The following MRPL48 variants were observed in gnomAD, a reference collection of about 807,000 sequenced individuals.
MRPL48 encodes mitochondrial ribosomal protein L48.
A neutral mutation model predicts 32.9 loss-of-function variants in MRPL48; 16 were observed. That is an observed-to-expected ratio of 0.49 (90% CI 0.33 to 0.74). The LOEUF (loss-of-function observed/expected upper bound fraction) is 0.74, where lower values mean the gene tolerates loss of function less well. Ranked by LOEUF, MRPL48 falls within the 30% of genes least tolerant of loss-of-function variation. The pLI is 0.02. For missense variants in MRPL48, 206 were observed against 245.3 expected (o/e 0.84, Z 1.07); for synonymous variants, 94 against 89.2 (o/e 1.05, Z -0.31).
At chr11:73,806,979 C>T (rs775399678) in intron 2 of MRPL48, among the ~76,000 whole-genome samples, 1 of 152,246 alleles carries the variant, frequency 6.6e-6, no homozygotes, top group East Asian at 1.9e-4. Context: ...AAGCAATCCT[C>T]CTGCCTCAGC....
At chr11:73,844,041 T>C (rs946326538) in intron 4 of MRPL48, among the ~76,000 whole-genome samples, 2 of 151,700 alleles carry the variant, frequency 1.3e-5, no homozygotes, top group African/African-American at 4.8e-5. Flanking sequence ...ACTGCGCCAT[T>C]GCATTCCAGC....
intron 1 of MRPL48, among the ~76,000 whole-genome samples, chr11:73,793,591 G>C (rs1206417613): frequency 6.6e-6 from 1 of 152,150 alleles, no homozygotes; most frequent in Non-Finnish European, 1.5e-5. Context: ...AAGAACATGT[G>C]TAAAGGTCCT....
At chr11:73,813,530 T>G (rs1169222178) in intron 3 of MRPL48, among the ~76,000 whole-genome samples, 1 of 152,126 alleles carries the variant, frequency 6.6e-6, no homozygotes, top group Admixed American at 6.5e-5. Flanking sequence ...CATTTTTGAT[T>G]TGTAAGAACT....
chr11:73,796,092 G>A (rs911172292), intron 1 of MRPL48, among the ~76,000 whole-genome samples: 1 of 152,252 alleles, frequency 6.6e-6, no homozygotes, highest in African/African-American at 2.4e-5. Context: ...GCCAGAGCCA[G>A]TCAGAGCCAG....
chr11:73,843,257 GC>G (rs1349234341), intron 4 of MRPL48: 5 of 137,836 alleles, frequency 3.6e-5, no homozygotes, highest in Non-Finnish European at 6.1e-5. Flanking sequence ...ATGGAGTCTC[GC>G]CCTGTCACCC....
At chr11:73,841,845 T>G (rs970929579) in intron 4 of MRPL48, among the ~76,000 whole-genome samples, 7 of 152,194 alleles carry the variant, frequency 4.6e-5, no homozygotes, top group African/African-American at 1.7e-4. Context: ...TTAGAAAATT[T>G]TAAAAACAGA....
At chr11:73,808,386 T>TAAGTGA in intron 3 of MRPL48, 36 bp downstream of exon 3, 1 of 1,572,404 alleles carries the variant, frequency 6.4e-7, no homozygotes, top group East Asian at 2.2e-5. Flanking sequence ...TGGCCTGCTT[T>TAAGTGA]AAGTGACCCT....
intron 5 of MRPL48, chr11:73,850,339 C>G (rs2135066145): frequency 6.5e-6 from 1 of 153,778 alleles, no homozygotes; most frequent in East Asian, 1.9e-4. Context: ...GGGCTGAAAT[C>G]AACAAAAGGT....
intron 1 of MRPL48, among the ~76,000 whole-genome samples, chr11:73,804,704 A>G (rs1328907683): frequency 1.3e-5 from 2 of 152,232 alleles, no homozygotes; most frequent in Admixed American, 6.5e-5. Context: ...AGCCCCTCTC[A>G]TGATGCTGTG....
chr11:73,861,575 G>A (rs1318052820), intron 6 of MRPL48, among the ~76,000 whole-genome samples: 1 of 152,030 alleles, frequency 6.6e-6, no homozygotes, highest in African/African-American at 2.4e-5. Flanking sequence ...CTCCATGTTG[G>A]TTAGGCTGGT....
chr11:73,804,427 C>A (rs1160180201), intron 1 of MRPL48, among the ~76,000 whole-genome samples: 4 of 152,006 alleles, frequency 2.6e-5, no homozygotes, highest in Non-Finnish European at 5.9e-5. Context: ...CAGGCATGCA[C>A]CACCATGCCC....
intron 3 of MRPL48, 26 bp downstream of exon 3, chr11:73,808,376 TG>T: frequency 6.3e-7 from 1 of 1,595,624 alleles, no homozygotes; most frequent in Non-Finnish European, 8.6e-7. Context: ...CTGATGTAGT[TG>T]GCCTGCTTTA....
intron 5 of MRPL48, 72 bp downstream of exon 5, chr11:73,845,048 T>C (rs903305375): frequency 3.5e-6 from 5 of 1,435,400 alleles, no homozygotes; most frequent in Middle Eastern, 1.8e-4. Flanking sequence ...TAAACTAGGC[T>C]TTTGAGATAC....
At chr11:73,860,703 A>G (rs1430084507) in intron 6 of MRPL48, among the ~76,000 whole-genome samples, 1 of 152,238 alleles carries the variant, frequency 6.6e-6, no homozygotes, top group Non-Finnish European at 1.5e-5. Flanking sequence ...TTTGAATAAG[A>G]GCATTAATTG....
rs190276776 is a variant in MRPL48 at position 73,845,480 on chromosome 11, A to G, written c.371+504A>G. On this transcript the variant is annotated intron_variant, in intron 5 of 7. Transcript: ENST00000310614. ...TCCATCATGCTTTTCATCTTATAAA[A>G]ATGAAACTCTAGCTGGGCGCAGTGG... Among the ~76,000 whole-genome samples the G allele has an allele frequency of 7.9e-5, 12 of 152,346 alleles. No homozygotes were observed. The East Asian group carries it at 2.1e-3, about 27-fold the overall frequency.
intron 5 of MRPL48, among the ~76,000 whole-genome samples, chr11:73,849,628 T>C (rs1475046502): frequency 6.6e-6 from 1 of 152,266 alleles, no homozygotes; most frequent in Non-Finnish European, 1.5e-5. Context: ...ATTGAAAGGA[T>C]GTACCACAGT....
Position 73,795,663 on chromosome 11 carries a change from C to T in MRPL48, c.21+7671C>T, listed in dbSNP as rs1049692535. Among the ~76,000 whole-genome samples, 23 of 134,152 alleles carry T rather than the reference C, an allele frequency of 1.7e-4. No individual in the cohort carries two copies. In the East Asian group the frequency reaches 3.1e-3, roughly 18 times the overall value. The allele number at this position is 134,152 out of a possible 152,430, so 88.0% of individuals were successfully genotyped here. The stretch of plus-strand genomic sequence containing the variant: ...CTGGGACTGCAGGCACCCGCCACCA[C>T]GCCCAGCTAATTTTTTTTTTTTTTA... On this transcript the variant is annotated intron_variant, in intron 1 of 7. Coordinates refer to ENST00000310614, the MANE Select transcript of MRPL48 (RefSeq NM_016055.6).
chr11:73,813,975 A>G (rs1255687057), intron 3 of MRPL48, among the ~76,000 whole-genome samples: 1 of 149,428 alleles, frequency 6.7e-6, no homozygotes, highest in African/African-American at 2.5e-5. Context: ...CGGGAGGCAG[A>G]GCTTGCAGTG....
chr11:73,856,954 G>A (rs1280676653), intron 5 of MRPL48, among the ~76,000 whole-genome samples: 1 of 152,120 alleles, frequency 6.6e-6, no homozygotes, highest in African/African-American at 2.4e-5. Context: ...TTAAAGGCCT[G>A]TTCTACATCT....
Sources: gnomAD v4.1 joint callset for allele counts (sites outside exome capture counted in the v4.1 genomes callset) on GRCh38, gnomAD v4.1.1 for gene constraint, MANE v1.5 for transcripts, NCBI Gene and HGNC (gene_info 2026-07-23, HGNC 2026-07-21) for gene names.